The following CHD6 variants were observed in gnomAD, a reference collection of about 807,000 sequenced individuals.
CHD6 encodes chromodomain helicase DNA binding protein 6.
Under a neutral mutation model 276.9 loss-of-function variants are expected in CHD6, and 50 were observed. The ratio of observed to expected loss-of-function variants is 0.18; its 90% CI spans 0.14 to 0.23. The LOEUF (loss-of-function observed/expected upper bound fraction) is 0.23. CHD6 is among the 10% of genes least tolerant of loss of function. The pLI is 1.00. For synonymous variants in CHD6, 1,173 were observed against 1,229.3 expected (o/e 0.95, Z 0.96); for missense variants, 2,564 against 3,365.8 (o/e 0.76, Z 5.89).
In CHD6 at chr20:41,514,326, T is replaced by C. The variant is rs571762513; in HGVS notation, c.702+479A>G. 7.9e-5 allele frequency among the ~76,000 whole-genome samples: 12 copies of C among 152,356 alleles called. No individual in the cohort carries two copies. In the South Asian group the frequency reaches 2.5e-3, roughly 32 times the overall value. The stretch of plus-strand genomic sequence containing the variant: ...ACACTGTCACGGGCACATTTTGGTA[T>C]ATTTTCAGGAATCTGGTTTAGATGG... On this transcript the variant is annotated intron_variant, in intron 4 of 36. Transcript: ENST00000373233.
At chr20:41,497,118 C>T in intron 8 of CHD6, 1 of 384,162 alleles carries the variant, frequency 2.6e-6, no homozygotes, top group African/African-American at 2.0e-5. Context: ...TGTGCGTATT[C>T]CTCTCACTCT....
intron 17 of CHD6, among the ~76,000 whole-genome samples, chr20:41,467,587 G>C (rs79312142): frequency 1.6e-5 from 1 of 62,226 alleles, no homozygotes; most frequent in African/African-American, 5.8e-5. Flanking sequence ...AAAAAAAAAA[G>C]GCTGGGTGTT....
intron 3 of CHD6, among the ~76,000 whole-genome samples, chr20:41,524,990 C>T (rs944709903): frequency 9.9e-5 from 15 of 152,148 alleles, no homozygotes; most frequent in African/African-American, 2.9e-4. Context: ...TTTTCCTCTA[C>T]GGTCTTGGGG....
chr20:41,440,267 T>G, intron 25 of CHD6, 138 bp from the exon 26 acceptor site: 1 of 777,870 alleles, frequency 1.3e-6, no homozygotes, highest in Non-Finnish European at 2.0e-6. Flanking sequence ...ATTAATGAGA[T>G]CCTATAAGAC....
intron 25 of CHD6, 57 bp from the exon 26 acceptor site, chr20:41,440,186 T>G (rs1295391389): frequency 6.6e-7 from 1 of 1,525,210 alleles, no homozygotes; most frequent in South Asian, 1.2e-5. Flanking sequence ...AATATTTGCT[T>G]TGGGCACTAG....
chr20:41,483,572 T>C (rs1478168200), intron 15 of CHD6, 53 bp from the exon 16 acceptor site: 57 of 1,329,242 alleles, frequency 4.3e-5, no homozygotes, highest in Non-Finnish European at 5.2e-5. Context: ...AGGATAAAGG[T>C]TGTACTCTGC....
At chr20:41,436,514 G>C (rs1274744659) in intron 27 of CHD6, among the ~76,000 whole-genome samples, 2 of 152,136 alleles carry the variant, frequency 1.3e-5, no homozygotes, top group Non-Finnish European at 2.9e-5. Flanking sequence ...ACACTCCTGG[G>C]CATTTATTCC....
intron 2 of CHD6, chr20:41,547,375 T>C: frequency 4.6e-6 from 1 of 219,050 alleles, no homozygotes; most frequent in Non-Finnish European, 9.2e-6. Flanking sequence ...GTGCAACTTC[T>C]TTCAGTCGTC....
At chr20:41,605,603 T>C (rs2045819123) in intron 1 of CHD6, among the ~76,000 whole-genome samples, 1 of 152,220 alleles carries the variant, frequency 6.6e-6, no homozygotes. Flanking sequence ...GGTGTATTAG[T>C]ACTAAGGAGT....
intron 8 of CHD6, chr20:41,497,113 G>A (rs536759632): frequency 9.2e-5 from 34 of 368,316 alleles, no homozygotes; most frequent in East Asian, 5.3e-4. Flanking sequence ...AATTGTGTGC[G>A]TATTCCTCTC....
At chr20:41,416,122 C>T (rs894829119) in intron 33 of CHD6, among the ~76,000 whole-genome samples, 5 of 152,192 alleles carry the variant, frequency 3.3e-5, no homozygotes, top group Non-Finnish European at 7.3e-5. Context: ...CACCAAAACG[C>T]TCACTCCTGC....
At chr20:41,416,862 TC>T in intron 32 of CHD6, 68 bp from the exon 33 acceptor site, 1 of 1,332,908 alleles carries the variant, frequency 7.5e-7, no homozygotes, top group Non-Finnish European at 1.0e-6. Flanking sequence ...TCCTTTGAGA[TC>T]AAGGGTTAAG....
At chr20:41,577,435 A>G (rs1016510013) in intron 1 of CHD6, among the ~76,000 whole-genome samples, 4 of 152,014 alleles carry the variant, frequency 2.6e-5, no homozygotes, top group Non-Finnish European at 5.9e-5. Flanking sequence ...GTTTCTCTTG[A>G]TTTTTCCATC....
At position 41,432,160 on chromosome 20, in the gene CHD6, C is replaced by CAAAAAAAAAA. The variant is rs572447937; in HGVS notation, c.4068+5104_4068+5113dup. On this transcript the variant is annotated intron_variant, in intron 27 of 36. Transcript: ENST00000373233. Reference sequence around the variant, plus strand: ...GGGCAGCAAGAGTAAAACTCCGTCTCAAAAAAAAAAAAAAAAAAAGAAGCG... The same window carrying CAAAAAAAAAA: ...GGGCAGCAAGAGTAAAACTCCGTCTCAAAAAAAAAAAAAAAAAAAAAAAAAAAAAGAAGCG... 5.4e-3 allele frequency among the ~76,000 whole-genome samples: 319 copies of CAAAAAAAAAA among 58,854 alleles called. 6 individuals carry two copies. The highest frequency in any genetic ancestry group is 8.5e-3 in the South Asian group (13 of 1,526). 38.6% of individuals were successfully genotyped at this position (58,854 alleles called of 152,430 possible). A position where few individuals can be genotyped will look rare whatever the true frequency, so the allele number is the denominator to read the frequency against.
At chr20:41,434,016 A>T (rs1343477691) in intron 27 of CHD6, among the ~76,000 whole-genome samples, 5 of 152,198 alleles carry the variant, frequency 3.3e-5, no homozygotes, top group African/African-American at 9.6e-5. Context: ...AAAAATAAAA[A>T]ATCAGGGAAA....
intron 22 of CHD6, among the ~76,000 whole-genome samples, chr20:41,451,462 AAGGAATGT>A (rs1251024254): frequency 6.6e-6 from 1 of 152,160 alleles, no homozygotes; most frequent in Non-Finnish European, 1.5e-5. Flanking sequence ...AAGGATAGGG[AAGGAATGT>A]AGCACAAGAA....
rs372698193 is a variant in CHD6 at position 41,577,683 on chromosome 20, A to T, written c.-23-26323T>A. Reference sequence around the variant, plus strand: ...ATAAACAAAACAAATATATGTGTAGATTATTGTATGTTGAATAAACAGATT... The same window carrying T: ...ATAAACAAAACAAATATATGTGTAGTTTATTGTATGTTGAATAAACAGATT... On this transcript the variant is annotated intron_variant, in intron 1 of 36. Coordinates refer to ENST00000373233, the MANE Select transcript of CHD6 (RefSeq NM_032221.5). Among the ~76,000 whole-genome samples, 125 of 152,362 alleles carry T rather than the reference A, an allele frequency of 8.2e-4. 1 individual carries two copies. Among genetic ancestry groups the T allele is most frequent in the African/African-American group, 2.9e-3 (120 of 41,586 alleles).
intron 16 of CHD6, among the ~76,000 whole-genome samples, chr20:41,475,745 C>T (rs1025079087): frequency 6.6e-6 from 1 of 152,060 alleles, no homozygotes; most frequent in Non-Finnish European, 1.5e-5. Context: ...GAAAAAACAC[C>T]CCTAGTCATC....
At chr20:41,477,832 T>C (rs1383306714) in intron 16 of CHD6, among the ~76,000 whole-genome samples, 1 of 152,204 alleles carries the variant, frequency 6.6e-6, no homozygotes, top group East Asian at 1.9e-4. Flanking sequence ...ACAGGGAAAC[T>C]GGTGGAATAT....
Sources: allele counts gnomAD v4.1 joint callset (sites outside exome capture counted in the v4.1 genomes callset), GRCh38; gene constraint gnomAD v4.1.1; transcripts MANE v1.5; gene names NCBI Gene and HGNC (gene_info 2026-07-23, HGNC 2026-07-21).